The following SLC5A7 variants were observed in gnomAD, a reference collection of about 807,000 sequenced individuals.
SLC5A7 encodes the protein high affinity choline transporter 1.
Under a neutral mutation model 55.4 loss-of-function variants are expected in SLC5A7, and 19 were observed. The observed-to-expected ratio is 0.34, with a 90% confidence interval of 0.24 to 0.50. The LOEUF (loss-of-function observed/expected upper bound fraction) is 0.50. Ranked by LOEUF, SLC5A7 falls within the 20% of genes least tolerant of loss-of-function variation. The pLI, the probability that SLC5A7 is intolerant of heterozygous loss-of-function variation, is 0.98. For missense variants in SLC5A7, 506 were observed against 705.3 expected (o/e 0.72, Z 3.20); for synonymous variants, 265 against 263.7 (o/e 1.00, Z -0.05).
At chr2:107,989,021 CCTT>C (rs1677347347) in intron 2 of SLC5A7, among the ~76,000 whole-genome samples, 1 of 152,186 alleles carries the variant, frequency 6.6e-6, no homozygotes, top group South Asian at 2.1e-4. Context: ...CTCATTCAAA[CCTT>C]CTTTGTGTTA....
intron 6 of SLC5A7, among the ~76,000 whole-genome samples, chr2:108,003,534 A>G (rs1413545838): frequency 6.6e-6 from 1 of 152,236 alleles, no homozygotes; most frequent in Non-Finnish European, 1.5e-5. Flanking sequence ...GAAATGTTGC[A>G]TCAATGGTCT....
chr2:107,995,966 G>T (rs1183089788), intron 4 of SLC5A7, among the ~76,000 whole-genome samples: 1 of 151,932 alleles, frequency 6.6e-6, no homozygotes, highest in East Asian at 1.9e-4. Context: ...AAATATTTTA[G>T]AGAAAATTTT....
At chr2:107,990,560 A>G (rs1030702434) in intron 2 of SLC5A7, among the ~76,000 whole-genome samples, 3 of 152,226 alleles carry the variant, frequency 2.0e-5, no homozygotes, top group Non-Finnish European at 4.4e-5. Context: ...AGAATAAGAA[A>G]ACAAATAATG....
rs35756712 is a variant in SLC5A7 at position 108,006,377 on chromosome 2, A to AT, written c.895+197dup. Among the ~76,000 whole-genome samples, 4,965 of 119,262 alleles carry AT rather than the reference A, an allele frequency of 0.042. 271 individuals carry two copies. Among genetic ancestry groups the AT allele is most frequent in the African/African-American group, 0.12 (3,855 of 31,546 alleles). The allele number at this position is 119,262 out of a possible 152,430, so 78.2% of individuals were successfully genotyped here. A position where few individuals can be genotyped will look rare whatever the true frequency, so the allele number is the denominator to read the frequency against. The stretch of plus-strand genomic sequence containing the variant: ...CGTATTATATAGTTCAGCGGCCTCC[A>AT]TTTTTTTTTTTTTTTTTTTTTTAGT... On this transcript the variant is annotated intron_variant, in intron 7 of 8. Transcript: ENST00000264047.
intron 6 of SLC5A7, among the ~76,000 whole-genome samples, chr2:108,004,561 A>AATTC (rs1308604858): frequency 6.6e-6 from 1 of 152,044 alleles, no homozygotes; most frequent in Non-Finnish European, 1.5e-5. Flanking sequence ...CTCATTTATC[A>AATTC]ATTCATTCAT....
intron 4 of SLC5A7, among the ~76,000 whole-genome samples, chr2:107,993,882 T>C (rs1239408254): frequency 1.3e-5 from 2 of 152,226 alleles, no homozygotes; most frequent in Non-Finnish European, 2.9e-5. Context: ...AACTACAAAC[T>C]TGAAATATTT....
intron 2 of SLC5A7, among the ~76,000 whole-genome samples, chr2:107,990,736 C>A (rs1677423467): frequency 6.6e-6 from 1 of 152,154 alleles, no homozygotes; most frequent in African/African-American, 2.4e-5. Flanking sequence ...AACCCTAAGA[C>A]TCCCTCTTCT....
At chr2:107,998,894 C>A (rs1259847965) in intron 5 of SLC5A7, among the ~76,000 whole-genome samples, 1 of 152,102 alleles carries the variant, frequency 6.6e-6, no homozygotes, top group Non-Finnish European at 1.5e-5. Flanking sequence ...TAAAGCATTT[C>A]ATTATATTTT....
At chr2:108,009,838 A>G (rs531662452) in intron 8 of SLC5A7, among the ~76,000 whole-genome samples, 1 of 152,182 alleles carries the variant, frequency 6.6e-6, no homozygotes, top group Non-Finnish European at 1.5e-5. Context: ...CACTTCTACA[A>G]AGAGATAAAC....
chr2:108,003,695 T>C (rs1294637686), intron 6 of SLC5A7, among the ~76,000 whole-genome samples: 1 of 152,200 alleles, frequency 6.6e-6, no homozygotes, highest in Non-Finnish European at 1.5e-5. Context: ...ATTCCTTACC[T>C]GGTCTACTCT....
chr2:107,987,698 A>C (rs1427281726), intron 1 of SLC5A7, among the ~76,000 whole-genome samples: 2 of 152,232 alleles, frequency 1.3e-5, no homozygotes, highest in African/African-American at 4.8e-5. Context: ...AACACTTAAC[A>C]CTTCTAGAAT....
chr2:107,988,053 A>G (rs1677314408), intron 1 of SLC5A7, 52 bp from the exon 2 acceptor site: 1 of 1,201,580 alleles, frequency 8.3e-7, no homozygotes, highest in African/African-American at 1.5e-5. Flanking sequence ...CTGGCTGCCT[A>G]CATGTGCATA....
chr2:107,988,563 C>G (rs1677332161), intron 2 of SLC5A7, among the ~76,000 whole-genome samples: 1 of 152,160 alleles, frequency 6.6e-6, no homozygotes, highest in Non-Finnish European at 1.5e-5. Flanking sequence ...TAATAAATCA[C>G]TGGACTGAAC....
At chr2:107,992,665 G>A (rs1446367593) in intron 3 of SLC5A7, among the ~76,000 whole-genome samples, 1 of 152,164 alleles carries the variant, frequency 6.6e-6, no homozygotes, top group East Asian at 1.9e-4. Context: ...ACCTCTAAAT[G>A]CTATGTTGAG....
intron 4 of SLC5A7, among the ~76,000 whole-genome samples, chr2:107,994,720 A>C (rs1677601346): frequency 6.6e-6 from 1 of 152,120 alleles, no homozygotes; most frequent in Non-Finnish European, 1.5e-5. Context: ...TTTCCACCTG[A>C]CTCTCATTAG....
rs530599249 is a variant in SLC5A7, at chr2:108,005,339, G to A, written c.742-710G>A. ...TGGAGTGTATAAATATTTTTGGGTT[G>A]CATTGATTCAGGTTAAATGTCATAC... On this transcript the variant is annotated intron_variant, in intron 6 of 8. Transcript: ENST00000264047. 1.2e-4 allele frequency among the ~76,000 whole-genome samples: 19 copies of A among 152,214 alleles called. No individual in the cohort carries two copies. In the South Asian group the frequency reaches 3.9e-3, roughly 32 times the overall value.
chr2:107,993,293 C>T (rs1325436551), intron 4 of SLC5A7, among the ~76,000 whole-genome samples, 166 bp downstream of exon 4: 1 of 152,160 alleles, frequency 6.6e-6, no homozygotes, highest in East Asian at 1.9e-4. Flanking sequence ...CGTTTACTTG[C>T]AATATGGTGG....
chr2:107,989,897 C>T (rs1312019095), intron 2 of SLC5A7, among the ~76,000 whole-genome samples: 1 of 151,748 alleles, frequency 6.6e-6, no homozygotes, highest in East Asian at 1.9e-4. Flanking sequence ...TTTTTTCAAC[C>T]TAACAAGCTA....
At position 107,995,442 on chromosome 2, in the gene SLC5A7, T is replaced by TGG. The variant is rs1206692668; in HGVS notation, c.448+2317_448+2318dup. On this transcript the variant is annotated intron_variant, in intron 4 of 8. Transcript: ENST00000264047. ...CATTGCTGCTATTGCTTGAACTCTT[T>TGG]GGGAGAGAGAGAGAGAGAGAGAGAG... Among the ~76,000 whole-genome samples, 1,093 of 137,698 alleles carry TGG rather than the reference T, an allele frequency of 7.9e-3. 11 individuals carry two copies. Among genetic ancestry groups the TGG allele is most frequent in the African/African-American group, 0.027 (969 of 35,608 alleles). The allele number at this position is 137,698 out of a possible 152,430, so 90.3% of individuals were successfully genotyped here.
Sources: allele counts gnomAD v4.1 joint callset (sites outside exome capture counted in the v4.1 genomes callset), GRCh38; gene constraint gnomAD v4.1.1; transcripts MANE v1.5; gene names NCBI Gene and HGNC (gene_info 2026-07-23, HGNC 2026-07-21).